PRKG1: variants seen among roughly 807,000 people sequenced by gnomAD.
PRKG1 encodes cGMP-dependent protein kinase 1.
A neutral mutation model predicts 88.1 loss-of-function variants in PRKG1; 35 were observed. That is an observed-to-expected ratio of 0.40 (90% confidence interval 0.30 to 0.53). The LOEUF is 0.53. PRKG1 is among the 20% of genes least tolerant of loss of function. The probability of loss-of-function intolerance (pLI) is 0.59; values close to 1 mark genes in which losing one functional copy is unlikely to be tolerated. For missense variants in PRKG1, 540 were observed against 839.8 expected, an observed-to-expected ratio of 0.64 and a Z score of 4.41; for synonymous variants, 303 against 292.5, an observed-to-expected ratio of 1.04 and a Z score of -0.37.
chr10:51,835,571 T>C (rs1310835801), intron 4 of PRKG1, among the ~76,000 whole-genome samples: 1 of 152,216 alleles, frequency 6.6e-6, no homozygotes, highest in Non-Finnish European at 1.5e-5. Flanking sequence ...CATTTCCCCA[T>C]GAACATAAAT....
intron 1 of PRKG1, among the ~76,000 whole-genome samples, chr10:51,041,490 G>A (rs1380668178): frequency 6.6e-6 from 1 of 152,178 alleles, no homozygotes; most frequent in Non-Finnish European, 1.5e-5. Flanking sequence ...GTACAGCCTG[G>A]CTACCATTGC....
intron 1 of PRKG1, among the ~76,000 whole-genome samples, chr10:51,080,767 G>C (rs7074204): frequency 0.89 from 135,122 of 152,264 alleles, 60,124 homozygotes; most frequent in African/African-American, 0.96. Context: ...GACAGCCCTT[G>C]TCTGCTTCCT....
At chr10:52,027,775 A>G (rs927082256) in intron 5 of PRKG1, among the ~76,000 whole-genome samples, 1 of 151,178 alleles carries the variant, frequency 6.6e-6, no homozygotes, top group African/African-American at 2.5e-5. Context: ...AGGCTGTTCT[A>G]TCTTTATTAT....
chr10:51,679,029 G>A (rs530300363), intron 3 of PRKG1, among the ~76,000 whole-genome samples: 3 of 152,244 alleles, frequency 2.0e-5, no homozygotes, highest in Non-Finnish European at 4.4e-5. Context: ...TGATCACCTA[G>A]TACCATGCCA....
At chr10:52,044,418 CT>C (rs1845818208) in intron 5 of PRKG1, among the ~76,000 whole-genome samples, 1 of 152,024 alleles carries the variant, frequency 6.6e-6, no homozygotes, top group South Asian at 2.1e-4. Flanking sequence ...CTATGCACAC[CT>C]TTAAAAGGGA....
intron 7 of PRKG1, among the ~76,000 whole-genome samples, chr10:52,125,085 G>A (rs987128638): frequency 6.6e-6 from 1 of 152,048 alleles, no homozygotes; most frequent in African/African-American, 2.4e-5. Context: ...AAAGCATAAT[G>A]TAGTAAATAC....
At chr10:52,190,309 A>G (rs1249115819) in intron 9 of PRKG1, among the ~76,000 whole-genome samples, 2 of 152,216 alleles carry the variant, frequency 1.3e-5, no homozygotes, top group African/African-American at 2.4e-5. Flanking sequence ...AAGAATATGG[A>G]AAATTCAAAT....
chr10:51,943,061 G>A (rs1344153797), intron 5 of PRKG1, among the ~76,000 whole-genome samples: 2 of 151,950 alleles, frequency 1.3e-5, no homozygotes, highest in African/African-American at 2.4e-5. Flanking sequence ...CCATTTTCAC[G>A]ATAATGATTC....
At chr10:52,052,315 C>T (rs1846006452) in intron 5 of PRKG1, among the ~76,000 whole-genome samples, 1 of 152,030 alleles carries the variant, frequency 6.6e-6, no homozygotes, top group African/African-American at 2.4e-5. Flanking sequence ...TGGTTCATGC[C>T]TATAATCCTA....
At chr10:50,997,046 C>A (rs1842843232) in intron 1 of PRKG1, among the ~76,000 whole-genome samples, 1 of 152,112 alleles carries the variant, frequency 6.6e-6, no homozygotes, top group Non-Finnish European at 1.5e-5. Context: ...TTCATACATG[C>A]TTTCAGTCAA....
At chr10:51,091,823 T>C (rs147101140) in intron 1 of PRKG1, among the ~76,000 whole-genome samples, 96 of 152,230 alleles carry the variant, frequency 6.3e-4, no homozygotes, top group Non-Finnish European at 2.6e-4. Context: ...AGTTCTGAAA[T>C]ATAGGGAATA....
intron 6 of PRKG1, among the ~76,000 whole-genome samples, chr10:52,060,162 T>C (rs1846204708): frequency 6.6e-6 from 1 of 151,880 alleles, no homozygotes; most frequent in Non-Finnish European, 1.5e-5. Flanking sequence ...TGATTTAGGA[T>C]GGCATGGACA....
chr10:52,054,286 A>T (rs927359547), intron 5 of PRKG1, among the ~76,000 whole-genome samples, 198 bp from the exon 6 acceptor site: 6 of 152,136 alleles, frequency 3.9e-5, no homozygotes, highest in African/African-American at 1.4e-4. Context: ...AAAAAAAGAA[A>T]ATGAGCATTA....
chr10:51,116,579 G>A (rs1428004384), intron 1 of PRKG1, among the ~76,000 whole-genome samples: 1 of 152,194 alleles, frequency 6.6e-6, no homozygotes, highest in Admixed American at 6.5e-5. Context: ...TGAAGTTGAG[G>A]AAGTGAACAG....
At chr10:51,954,383 C>T (rs541552318) in intron 5 of PRKG1, among the ~76,000 whole-genome samples, 2 of 152,046 alleles carry the variant, frequency 1.3e-5, no homozygotes, top group Non-Finnish European at 2.9e-5. Context: ...TCTAGACCAA[C>T]ATTGCAAGGA....
intron 3 of PRKG1, among the ~76,000 whole-genome samples, chr10:51,634,326 G>T (rs1839600951): frequency 6.6e-6 from 1 of 152,052 alleles, no homozygotes; most frequent in Non-Finnish European, 1.5e-5. Flanking sequence ...GTCTTAAGAT[G>T]GTGATTGATT....
intron 2 of PRKG1, among the ~76,000 whole-genome samples, chr10:51,407,616 C>T (rs1837958118): frequency 1.3e-5 from 2 of 152,206 alleles, no homozygotes; most frequent in Admixed American, 1.3e-4. Context: ...TTCTGTATTG[C>T]CTTTGCCTTC....
At chr10:51,229,043 A>G (rs1176361247) in intron 2 of PRKG1, among the ~76,000 whole-genome samples, 1 of 152,184 alleles carries the variant, frequency 6.6e-6, no homozygotes, top group Non-Finnish European at 1.5e-5. Flanking sequence ...TTTCAACTCA[A>G]TTAGCATTAC....
At chr10:51,058,430 A>C (rs1236992527) in intron 1 of PRKG1, among the ~76,000 whole-genome samples, 1 of 152,156 alleles carries the variant, frequency 6.6e-6, no homozygotes, top group East Asian at 1.9e-4. Flanking sequence ...CAAAAGGTAT[A>C]GAGATTTCCC....
Sources: gnomAD v4.1 joint callset for allele counts (sites outside exome capture counted in the v4.1 genomes callset) on GRCh38, gnomAD v4.1.1 for gene constraint, MANE v1.5 for transcripts, NCBI Gene and HGNC (gene_info 2026-07-23, HGNC 2026-07-21) for gene names.